The following TTC9C variants were observed in gnomAD, a reference collection of about 807,000 sequenced individuals.
TTC9C encodes the protein tetratricopeptide repeat domain 9C, also known as tetratricopeptide repeat protein 9C.
A neutral mutation model predicts 22.5 loss-of-function variants in TTC9C; 15 were observed. The observed-to-expected ratio is 0.67, with a 90% CI of 0.45 to 1.03. The LOEUF is 1.03. Ranked by LOEUF, TTC9C falls within the 50% of genes least tolerant of loss-of-function variation. The pLI, the probability that TTC9C is intolerant of heterozygous loss-of-function variation, is 0.00. For missense variants in TTC9C, 244 were observed against 214.6 expected (o/e 1.14, Z -0.86); for synonymous variants, 92 against 86.8 (o/e 1.06, Z -0.33).
In TTC9C at chr11:62,731,989, C is replaced by CTTTTTT. The variant is rs58705402; in HGVS notation, c.238+2923_238+2928dup. On this transcript the variant is annotated intron_variant, in intron 1 of 2. Transcript: ENST00000316461. ...TGTGAGCCACCGCGCCTGGTCAGCACTTTTTTTTTTTTTTTTTTTTTTTTT... is the reference window on the plus strand; with the variant it reads ...TGTGAGCCACCGCGCCTGGTCAGCACTTTTTTTTTTTTTTTTTTTTTTTTTTTTTTT... Among the ~76,000 whole-genome samples the CTTTTTT allele has an allele frequency of 1.6e-4, 10 of 63,216 alleles. 1 individual carries two copies. Among genetic ancestry groups the CTTTTTT allele is most frequent in the Non-Finnish European group, 2.7e-4 (9 of 33,952 alleles). 41.5% of individuals were successfully genotyped at this position (63,216 alleles called of 152,430 possible).
intron 2 of TTC9C, chr11:62,735,912 G>A (rs1469584117): frequency 6.4e-6 from 1 of 156,722 alleles, no homozygotes; most frequent in Non-Finnish European, 1.4e-5. Flanking sequence ...AATATACAGT[G>A]TATATATTTA....
At chr11:62,737,161 TG>T (rs2083922385) in intron 2 of TTC9C, among the ~76,000 whole-genome samples, 1 of 151,866 alleles carries the variant, frequency 6.6e-6, no homozygotes, top group Admixed American at 6.6e-5. Context: ...ATCGCGCCAC[TG>T]CACTCCAGCC....
At chr11:62,734,239 C>T (rs2083885181) in intron 1 of TTC9C, among the ~76,000 whole-genome samples, 1 of 149,942 alleles carries the variant, frequency 6.7e-6, no homozygotes, top group Non-Finnish European at 1.5e-5. Context: ...CGGAGGTTGC[C>T]GTGAGCTGAG....
chr11:62,734,899 TTTTTG>T (rs548535094), intron 1 of TTC9C, among the ~76,000 whole-genome samples: 107 of 152,152 alleles, frequency 7.0e-4, no homozygotes, highest in African/African-American at 1.9e-3. Flanking sequence ...ATATATGAAT[TTTTTG>T]TTTTGTTTTG....
Position 62,738,620 on chromosome 11 carries a change from TATAATC to T in TTC9C, c.*240_*245del. ...TGTTGCAGATATTTGGCTTGAGAAA[TATAATC>T]AGAAAACATACATCAGTTGTGGGTG... On this transcript the variant is annotated 3_prime_UTR_variant, in exon 3 of 3. Coordinates refer to ENST00000316461, the MANE Select transcript of TTC9C (RefSeq NM_173810.4). 1 of 384,872 alleles carries T rather than the reference TATAATC, an allele frequency of 2.6e-6. No individual in the cohort carries two copies. The highest frequency in any genetic ancestry group is 3.7e-5 in the South Asian group (1 of 27,274). 23.8% of individuals were successfully genotyped at this position (384,872 alleles called of 1,614,324 possible).
intron 2 of TTC9C, among the ~76,000 whole-genome samples, chr11:62,738,078 A>G (rs1228168273): frequency 6.7e-6 from 1 of 149,544 alleles, no homozygotes; most frequent in Non-Finnish European, 1.5e-5. Flanking sequence ...AAATAAATAA[A>G]AATTAGCAGC....
rs2083900177 is a variant in TTC9C at position 62,735,455 on chromosome 11, G to T, written c.312G>T (p.Gln104His). 1.9e-6 allele frequency: 3 copies of T among 1,614,164 alleles called. No individual in the cohort carries two copies. Among genetic ancestry groups the T allele is most frequent in the Non-Finnish European group, 2.5e-6 (3 of 1,180,018 alleles). The change falls in exon 2 of 3, where the codon CAG (glutamine) becomes CAT (histidine). Residue 104 changes from glutamine (Q) to histidine (H), a missense_variant. Coordinates refer to ENST00000316461, the MANE Select transcript of TTC9C (RefSeq NM_173810.4). ...REYSQKVLER[Q>H]PDNAKALYRA... The stretch of plus-strand genomic sequence containing the variant: ...ATAGTCAGAAAGTCCTGGAACGACA[G>T]CCTGATAATGCCAAGGCCTTGTATC...
In TTC9C at chr11:62,732,196, C is replaced by T. The variant is rs1330021652; in HGVS notation, c.238+3110C>T. Among the ~76,000 whole-genome samples the T allele has an allele frequency of 3.3e-5, 5 of 151,694 alleles. No individual in the cohort carries two copies. In the South Asian group the frequency reaches 1.0e-3, roughly 32 times the overall value. On this transcript the variant is annotated intron_variant, in intron 1 of 2. Coordinates refer to ENST00000316461, the MANE Select transcript of TTC9C (RefSeq NM_173810.4). ...ATTTTTAGTAGAGACGGGGTTTTAC[C>T]GTGTTAGCCAGGATGGTCTCGATCT...
At chr11:62,729,397 A>T (rs1442168947) in intron 1 of TTC9C, among the ~76,000 whole-genome samples, 2 of 137,834 alleles carry the variant, frequency 1.5e-5, no homozygotes, top group African/African-American at 5.2e-5. Context: ...ATTTTATTTT[A>T]TTTTATTTTA....
rs1185091109 is a variant in TTC9C at position 62,729,076 on chromosome 11, C to T, written c.228C>T (p.Asn76=). 7 of 1,613,796 alleles carry T rather than the reference C, an allele frequency of 4.3e-6. No individual in the cohort carries two copies. The highest frequency in any genetic ancestry group is 2.2e-5 in the South Asian group (2 of 91,064). The change falls in exon 1 of 3, where the codon AAC becomes AAT. Residue 76 remains asparagine (N), a synonymous_variant. Coordinates refer to ENST00000316461, the MANE Select transcript of TTC9C (RefSeq NM_173810.4). The part of the protein sequence containing the change: ...ILHTTQTDCY[N]NLAACLLQME... ...ATACCACCCAGACAGACTGCTATAA[C>T]AATCTAGCTGGTAAGAACGGGGCTA...
chr11:62,728,461 C>A (rs893386058), upstream of TTC9C: 33 of 465,414 alleles, frequency 7.1e-5, no homozygotes, highest in Admixed American at 7.1e-4. Flanking sequence ...CGGGGGGGGG[C>A]GGGTCCAATA....
At chr11:62,738,223 C>A in intron 2 of TTC9C, 65 bp from the exon 3 acceptor site, 1 of 982,612 alleles carries the variant, frequency 1.0e-6, no homozygotes, top group Non-Finnish European at 1.6e-6. Context: ...TCTCCTGCCA[C>A]AAGGTATGAT....
At position 62,728,519 on chromosome 11, in the gene TTC9C, C is replaced by T. The variant is rs1185196662; in HGVS notation, c.-330C>T. 3 of 492,710 alleles carry T rather than the reference C, an allele frequency of 6.1e-6. No individual in the cohort carries two copies. Among genetic ancestry groups the T allele is most frequent in the Admixed American group, 2.3e-5 (1 of 43,562 alleles). The allele number at this position is 492,710 out of a possible 1,614,324, so 30.5% of individuals were successfully genotyped here. On this transcript the variant is annotated 5_prime_UTR_variant, in exon 1 of 3. Coordinates refer to ENST00000316461, the MANE Select transcript of TTC9C (RefSeq NM_173810.4). The stretch of plus-strand genomic sequence containing the variant: ...AGGCGTTCTCACGCCCGCAACAATT[C>T]CTGAGTAGGGCCTTGCTTGAGTTCT...
chr11:62,736,833 G>A (rs1431810898), intron 2 of TTC9C, among the ~76,000 whole-genome samples: 2 of 150,956 alleles, frequency 1.3e-5, no homozygotes, highest in East Asian at 1.9e-4. Context: ...TAGCCTGGGC[G>A]ACAGAGCCAG....
At chr11:62,733,180 C>T in intron 1 of TTC9C, 2 of 1,285,068 alleles carry the variant, frequency 1.6e-6, no homozygotes, top group East Asian at 5.6e-5. Flanking sequence ...CCTGAATTGC[C>T]TGAATTGACT....
Position 62,735,370 on chromosome 11 carries a change from T to A in TTC9C, c.239-12T>A, listed in dbSNP as rs2083898488. 6.2e-7 allele frequency: 1 copy of A among 1,612,832 alleles called. No individual in the cohort carries two copies. The highest frequency in any genetic ancestry group is 8.5e-7 in the Non-Finnish European group (1 of 1,179,068). On this transcript the variant is annotated splice_polypyrimidine_tract_variant and intron_variant, in intron 1 of 2. Coordinates refer to ENST00000316461, the MANE Select transcript of TTC9C (RefSeq NM_173810.4). The stretch of plus-strand genomic sequence containing the variant: ...CCTCCTACCTCTTCTCTCTTTTCAT[T>A]TGGCCCATTAGCTTGTCTCCTTCAG...
chr11:62,738,125 A>G (rs59143369), intron 2 of TTC9C, among the ~76,000 whole-genome samples, 163 bp from the exon 3 acceptor site: 1,695 of 152,238 alleles, frequency 0.011, 31 homozygotes, highest in African/African-American at 0.039. Flanking sequence ...TCCAAATGTT[A>G]TTAATTAATG....
chr11:62,736,135 G>GC (rs1472589970), intron 2 of TTC9C: 1 of 150,458 alleles, frequency 6.6e-6, no homozygotes, highest in African/African-American at 2.5e-5. Context: ...TACTCGGGAG[G>GC]CTGAGGCAGG....
intron 2 of TTC9C, among the ~76,000 whole-genome samples, chr11:62,737,543 A>G (rs1230134486): frequency 6.6e-6 from 1 of 152,220 alleles, no homozygotes; most frequent in Non-Finnish European, 1.5e-5. Context: ...GAGTCACCAA[A>G]TGTATAGCAG....
Sources: gnomAD v4.1 joint callset for allele counts (sites outside exome capture counted in the v4.1 genomes callset) on GRCh38, gnomAD v4.1.1 for gene constraint, MANE v1.5 for transcripts, NCBI Gene and HGNC (gene_info 2026-07-23, HGNC 2026-07-21) for gene names.